Variants in PIP4K2A observed in about 807,000 individuals in gnomAD.
PIP4K2A encodes the protein phosphatidylinositol-5-phosphate 4-kinase type 2 alpha.
In PIP4K2A, 14 loss-of-function variants were observed where a neutral mutation model predicts 42.9. The observed-to-expected ratio is 0.33, with a 90% confidence interval of 0.22 to 0.51. The LOEUF (loss-of-function observed/expected upper bound fraction) is 0.51, where lower values mean the gene tolerates loss of function less well. PIP4K2A is among the 20% of genes least tolerant of loss of function. The pLI is 0.97. For synonymous variants in PIP4K2A, 192 were observed against 192.2 expected (o/e 1.00, Z 0.01); for missense variants, 434 against 519.8 (o/e 0.83, Z 1.61).
intron 1 of PIP4K2A, among the ~76,000 whole-genome samples, chr10:22,614,041 A>G (rs1199872974): frequency 6.6e-6 from 1 of 152,250 alleles, no homozygotes; most frequent in African/African-American, 2.4e-5. Context: ...ACAGAGCAGG[A>G]GCCCGTGGTC....
intron 1 of PIP4K2A, among the ~76,000 whole-genome samples, chr10:22,626,863 C>CAACTG (rs746569935): frequency 2.6e-5 from 4 of 152,086 alleles, no homozygotes; most frequent in Non-Finnish European, 5.9e-5. Context: ...TAGTAAAAAA[C>CAACTG]AACTGTCACA....
At chr10:22,598,351 C>T (rs1462087955) in intron 3 of PIP4K2A, among the ~76,000 whole-genome samples, 1 of 152,132 alleles carries the variant, frequency 6.6e-6, no homozygotes, top group Non-Finnish European at 1.5e-5. Flanking sequence ...GACAGAGACT[C>T]TGTTAAAAAA....
intron 1 of PIP4K2A, among the ~76,000 whole-genome samples, chr10:22,713,452 G>A (rs1404768360): frequency 6.6e-6 from 1 of 152,070 alleles, no homozygotes; most frequent in Non-Finnish European, 1.5e-5. Flanking sequence ...AGTGGGGGGA[G>A]GCGACGAAGG....
chr10:22,617,855 G>C (rs139020191), intron 1 of PIP4K2A, among the ~76,000 whole-genome samples: 1 of 152,076 alleles, frequency 6.6e-6, no homozygotes, highest in Admixed American at 6.6e-5. Flanking sequence ...ATTGAAAAAG[G>C]GCTCACTTTA....
chr10:22,634,795 T>C (rs1474068511), intron 1 of PIP4K2A, among the ~76,000 whole-genome samples: 1 of 152,164 alleles, frequency 6.6e-6, no homozygotes, highest in Non-Finnish European at 1.5e-5. Context: ...AAATCATCTC[T>C]AATGTCACCA....
intron 1 of PIP4K2A, among the ~76,000 whole-genome samples, chr10:22,623,181 A>G (rs77559159): frequency 6.6e-6 from 1 of 152,040 alleles, no homozygotes; most frequent in Non-Finnish European, 1.5e-5. Context: ...TTAAAAAAAA[A>G]GGTTACACAT....
chr10:22,668,883 G>C (rs1268477086), intron 1 of PIP4K2A, among the ~76,000 whole-genome samples: 1 of 152,130 alleles, frequency 6.6e-6, no homozygotes, highest in Non-Finnish European at 1.5e-5. Flanking sequence ...TACCAAATAA[G>C]ATAATTTAAC....
chr10:22,535,018 A>G lies in PIP4K2A; in HGVS notation c.*2183T>C, dbSNP rs923890167. The stretch of plus-strand genomic sequence containing the variant: ...TTTGTAAAGCCCGGCTCATGACTGG[A>G]GTGTATTGTTAGCACTAGGAGATAA... On this transcript the variant is annotated 3_prime_UTR_variant, in exon 10 of 10. Coordinates refer to ENST00000376573, the MANE Select transcript of PIP4K2A (RefSeq NM_005028.5). 6.6e-6 allele frequency: 1 copy of G among 152,222 alleles called. No homozygotes were observed. The highest frequency in any genetic ancestry group is 1.5e-5 in the Non-Finnish European group (1 of 68,048). The allele number at this position is 152,222 out of a possible 1,614,324, so 9.4% of individuals were successfully genotyped here.
chr10:22,678,333 ATTCT>A (rs561695114), intron 1 of PIP4K2A, among the ~76,000 whole-genome samples: 64 of 152,070 alleles, frequency 4.2e-4, no homozygotes, highest in African/African-American at 1.5e-3. Context: ...TGGTCCCTGA[ATTCT>A]TTTTAGCAGT....
intron 1 of PIP4K2A, among the ~76,000 whole-genome samples, chr10:22,633,449 A>G (rs777163213): frequency 6.6e-6 from 1 of 152,180 alleles, no homozygotes; most frequent in Non-Finnish European, 1.5e-5. Context: ...ACCCACAGTA[A>G]AAATACCTTC....
At chr10:22,557,438 CAA>C (rs1414340303) in intron 6 of PIP4K2A, among the ~76,000 whole-genome samples, 10 of 152,154 alleles carry the variant, frequency 6.6e-5, no homozygotes, top group South Asian at 2.1e-4. Context: ...ATGTGTTTAC[CAA>C]AAGAGTTAAA....
intron 1 of PIP4K2A, among the ~76,000 whole-genome samples, chr10:22,683,835 T>TCA (rs138327782): frequency 0.15 from 21,066 of 139,234 alleles, 1,505 homozygotes; most frequent in Middle Eastern, 0.17. Flanking sequence ...ACCAAGCAGT[T>TCA]CACACACACA....
chr10:22,645,642 G>T (rs918807869), intron 1 of PIP4K2A, among the ~76,000 whole-genome samples: 12 of 149,560 alleles, frequency 8.0e-5, no homozygotes, highest in Non-Finnish European at 1.5e-4. Context: ...CTTTGTTAAA[G>T]TAACAAGTGG....
At chr10:22,692,869 AT>A (rs1158396159) in intron 1 of PIP4K2A, among the ~76,000 whole-genome samples, 1 of 152,102 alleles carries the variant, frequency 6.6e-6, no homozygotes, top group African/African-American at 2.4e-5. Flanking sequence ...AGTGATCTCA[AT>A]TTTTCACCAA....
chr10:22,600,198 GT>G (rs3214548), intron 3 of PIP4K2A, among the ~76,000 whole-genome samples: 10 of 146,808 alleles, frequency 6.8e-5, no homozygotes, highest in East Asian at 4.0e-4. Context: ...TGTATAATTT[GT>G]TTTTTTTTTC....
chr10:22,554,833 A>G (rs938469807), intron 6 of PIP4K2A, among the ~76,000 whole-genome samples: 16 of 152,172 alleles, frequency 1.1e-4, no homozygotes, highest in Admixed American at 2.6e-4. Context: ...TCTAGTCCTG[A>G]GCTGGGATTC....
At chr10:22,577,146 T>C in intron 4 of PIP4K2A, among the ~76,000 whole-genome samples, 1 of 151,610 alleles carries the variant, frequency 6.6e-6, no homozygotes, top group Non-Finnish European at 1.5e-5. Flanking sequence ...ATCCATCATA[T>C]GCCTGGTACC....
At chr10:22,584,922 C>G (rs181980151) in intron 4 of PIP4K2A, among the ~76,000 whole-genome samples, 12 of 152,264 alleles carry the variant, frequency 7.9e-5, no homozygotes, top group African/African-American at 2.4e-4. Flanking sequence ...TCAGAATGTT[C>G]TGTTGTTCCA....
At chr10:22,699,867 C>T (rs1323237548) in intron 1 of PIP4K2A, among the ~76,000 whole-genome samples, 3 of 152,012 alleles carry the variant, frequency 2.0e-5, no homozygotes, top group African/African-American at 4.8e-5. Context: ...ACTCTATCAC[C>T]AGAATGCTTA....
Sources: allele counts gnomAD v4.1 joint callset (sites outside exome capture counted in the v4.1 genomes callset), GRCh38; gene constraint gnomAD v4.1.1; transcripts MANE v1.5; gene names NCBI Gene and HGNC (gene_info 2026-07-23, HGNC 2026-07-21).